PPP2R5E: variants seen among roughly 807,000 people sequenced by gnomAD.
PPP2R5E encodes the protein serine/threonine-protein phosphatase 2A 56 kDa regulatory subunit epsilon isoform.
PPP2R5E carries 4 observed loss-of-function variants against 65.3 expected under a neutral mutation model. The ratio of observed to expected loss-of-function variants is 0.06; its 90% CI spans 0.03 to 0.14. The LOEUF is 0.14. PPP2R5E is among the 10% of genes least tolerant of loss of function. The pLI is 1.00. For synonymous variants in PPP2R5E, 183 were observed against 187.4 expected, an observed-to-expected ratio of 0.98 and a Z score of 0.19; for missense variants, 274 against 556.1, an observed-to-expected ratio of 0.49 and a Z score of 5.10.
At chr14:63,493,489 T>TGTGTGC (rs1891386575) in intron 2 of PPP2R5E, among the ~76,000 whole-genome samples, 1 of 124,810 alleles carries the variant, frequency 8.0e-6, no homozygotes, top group South Asian at 2.8e-4. Context: ...CGCGCGTGTG[T>TGTGTGC]GTGTGCGTGT....
At chr14:63,395,647 G>A (rs564906738) in intron 6 of PPP2R5E, among the ~76,000 whole-genome samples, 1 of 5,412 alleles carries the variant, frequency 1.8e-4, no homozygotes, top group African/African-American at 1.1e-3. Context: ...AGAGGGAGGA[G>A]AAGATGGGGA....
At chr14:63,522,620 C>T (rs1269198128) in intron 2 of PPP2R5E, among the ~76,000 whole-genome samples, 3 of 139,188 alleles carry the variant, frequency 2.2e-5, no homozygotes, top group African/African-American at 8.0e-5. Flanking sequence ...GTGAGGAGCG[C>T]CTCTACCCGT....
At chr14:63,415,738 T>G (rs930671167) in intron 4 of PPP2R5E, among the ~76,000 whole-genome samples, 1 of 152,208 alleles carries the variant, frequency 6.6e-6, no homozygotes, top group Non-Finnish European at 1.5e-5. Flanking sequence ...CCATTATAAT[T>G]TATAATGAAT....
intron 2 of PPP2R5E, among the ~76,000 whole-genome samples, chr14:63,458,515 G>A (rs190658997): frequency 1.2e-4 from 18 of 152,126 alleles, no homozygotes; most frequent in South Asian, 2.1e-4. Context: ...AAATCAGAAC[G>A]TTAAATTCAC....
chr14:63,497,393 T>G (rs1891621900), intron 2 of PPP2R5E, among the ~76,000 whole-genome samples: 1 of 152,064 alleles, frequency 6.6e-6, no homozygotes, highest in African/African-American at 2.4e-5. Flanking sequence ...CATCTCTGGA[T>G]TATCCACACC....
intron 2 of PPP2R5E, among the ~76,000 whole-genome samples, chr14:63,476,109 A>G (rs1329037270): frequency 2.0e-5 from 3 of 152,248 alleles, no homozygotes; most frequent in African/African-American, 7.2e-5. Context: ...AAGTAAAAGC[A>G]TTAACACAAG....
In PPP2R5E at chr14:63,415,198, C is replaced by T. The variant is rs1264837726; in HGVS notation, c.491G>A (p.Ser164Asn). The part of the protein sequence containing the change: ...VYEFFIRFLE[S>N]QEFQPSIAKK... ...GGCAATGCTGGGTTGGAATTCTTGG[C>T]TTTCCAAAAATCGTATGAAAAATTC... is the stretch of plus-strand genomic sequence containing the variant. Residue 164 changes from serine (S) to asparagine (N), a missense_variant, in exon 5 of 14, where the codon AGC (serine) becomes AAC (asparagine). Ser to Asn is a conservative substitution (Grantham distance 46, BLOSUM62 1). Around this residue, in one of 6 missense-constraint regions of PPP2R5E, gnomAD observed 19 missense variants for 27.5 expected, o/e 0.69. Coordinates refer to ENST00000337537, the MANE Select transcript of PPP2R5E (RefSeq NM_006246.5). 6.2e-7 allele frequency: 1 copy of T among 1,604,956 alleles called. No individual in the cohort carries two copies. The highest frequency in any genetic ancestry group is 1.3e-5 in the African/African-American group (1 of 74,720).
intron 12 of PPP2R5E, 141 bp from the exon 13 acceptor site, chr14:63,382,298 G>T (rs777718544): frequency 4.3e-6 from 2 of 462,328 alleles, no homozygotes; most frequent in Non-Finnish European, 7.5e-6. Flanking sequence ...TGGAACAACT[G>T]AAAATGACCT....
chr14:63,483,288 G>T (rs1190392429), intron 2 of PPP2R5E, among the ~76,000 whole-genome samples: 2 of 152,176 alleles, frequency 1.3e-5, no homozygotes, highest in African/African-American at 4.8e-5. Context: ...CAGACATAAA[G>T]AAGATAGATA....
intron 3 of PPP2R5E, among the ~76,000 whole-genome samples, chr14:63,446,920 G>A (rs755617831): frequency 3.9e-5 from 6 of 151,916 alleles, no homozygotes; most frequent in Non-Finnish European, 7.4e-5. Context: ...GATAGTCAAT[G>A]AGTAGTAATA....
intron 2 of PPP2R5E, among the ~76,000 whole-genome samples, chr14:63,513,102 G>A (rs1253021735): frequency 1.3e-5 from 2 of 151,982 alleles, no homozygotes; most frequent in Admixed American, 6.6e-5. Flanking sequence ...AAACTGTTTG[G>A]ATGGTTAAAT....
chr14:63,442,324 T>C (rs1290151405), intron 3 of PPP2R5E, among the ~76,000 whole-genome samples: 1 of 152,214 alleles, frequency 6.6e-6, no homozygotes, highest in Non-Finnish European at 1.5e-5. Context: ...TTCTCAGATA[T>C]CACTCATTTC....
In PPP2R5E at chr14:63,447,976, C is replaced by T. The variant is rs143554034; in HGVS notation, c.354+5713G>A. On this transcript the variant is annotated intron_variant, in intron 3 of 13. Coordinates refer to ENST00000337537, the MANE Select transcript of PPP2R5E (RefSeq NM_006246.5). The stretch of plus-strand genomic sequence containing the variant: ...ATCGATTAAGTTTGCTGTAGGGGCA[C>T]ATTTCATGGTGTCCCAAAGCAATTA... Among the ~76,000 whole-genome samples, 487 of 152,284 alleles carry T rather than the reference C, an allele frequency of 3.2e-3. 4 individuals are homozygous for T. Among genetic ancestry groups the T allele is most frequent in the African/African-American group, 0.011 (446 of 41,554 alleles).
chr14:63,397,449 C>T (rs529541845), intron 5 of PPP2R5E, among the ~76,000 whole-genome samples: 378 of 138,100 alleles, frequency 2.7e-3, no homozygotes, highest in African/African-American at 9.8e-3. Context: ...TTACAGTGAG[C>T]TGCGATCGCG....
intron 2 of PPP2R5E, among the ~76,000 whole-genome samples, chr14:63,472,529 T>G (rs375463510): frequency 6.6e-6 from 1 of 152,224 alleles, no homozygotes; most frequent in Non-Finnish European, 1.5e-5. Flanking sequence ...TGCATATGAT[T>G]TGGAGTCTAA....
At chr14:63,405,008 C>T (rs1359558112) in intron 5 of PPP2R5E, among the ~76,000 whole-genome samples, 3 of 152,166 alleles carry the variant, frequency 2.0e-5, no homozygotes, top group Admixed American at 2.0e-4. Context: ...AAGAGCAGAG[C>T]ACTAAACCAA....
At chr14:63,445,966 T>C (rs369920580) in intron 3 of PPP2R5E, among the ~76,000 whole-genome samples, 29 of 152,356 alleles carry the variant, frequency 1.9e-4, no homozygotes, top group African/African-American at 6.5e-4. Context: ...TCTTTTCAAA[T>C]TGGAGTCAAT....
rs774077072 is a variant in PPP2R5E at position 63,384,424 on chromosome 14, G to T, written c.1202+20C>A. 46 of 1,606,412 alleles carry T rather than the reference G, an allele frequency of 2.9e-5. No individual in the cohort carries two copies. The South Asian group carries it at 5.1e-4, about 18-fold the overall frequency. ...AGAGGAAGGGAGGAAGAGAACGGAG[G>T]AAAGAAACTGAAAACCTACGGATTC... On this transcript the variant is annotated intron_variant, in intron 12 of 13. Transcript: ENST00000337537.
At chr14:63,485,297 T>G (rs752484218) in intron 2 of PPP2R5E, among the ~76,000 whole-genome samples, 2 of 151,932 alleles carry the variant, frequency 1.3e-5, no homozygotes, top group Non-Finnish European at 2.9e-5. Context: ...GAGACAGAGG[T>G]CTCACTATGT....
Sources: gnomAD v4.1 joint callset for allele counts (sites outside exome capture counted in the v4.1 genomes callset) on GRCh38, gnomAD v4.1.1 for gene constraint, gnomAD v4.1.1 regional missense constraint, MANE v1.5 for transcripts, NCBI Gene and HGNC (gene_info 2026-07-23, HGNC 2026-07-21) for gene names.